The following PLCE1 variants were observed in gnomAD, a reference collection of about 807,000 sequenced individuals.
The protein encoded by PLCE1 is 1-phosphatidylinositol 4,5-bisphosphate phosphodiesterase epsilon-1.
A neutral mutation model predicts 242.8 loss-of-function variants in PLCE1; 119 were observed. That is an observed-to-expected ratio of 0.49 (90% CI 0.42 to 0.57). PLCE1 has a LOEUF of 0.57. Among genes scored for constraint, PLCE1 ranks in the 20% least tolerant of loss-of-function variants. The probability of loss-of-function intolerance (pLI) is 0.00; values close to 1 mark genes in which losing one functional copy is unlikely to be tolerated. For missense variants in PLCE1, 2,441 were observed against 2,788.8 expected (o/e 0.88, Z 2.81); for synonymous variants, 945 against 1,017.4 (o/e 0.93, Z 1.35).
intron 30 of PLCE1, among the ~76,000 whole-genome samples, chr10:94,323,195 C>G (rs1212936495): frequency 6.6e-6 from 1 of 152,188 alleles, no homozygotes; most frequent in Non-Finnish European, 1.5e-5. Flanking sequence ...CTCTCCCCTC[C>G]TCTAAATCAC....
At chr10:94,026,256 C>T (rs1170185725) in intron 1 of PLCE1, among the ~76,000 whole-genome samples, 1 of 152,120 alleles carries the variant, frequency 6.6e-6, no homozygotes, top group East Asian at 1.9e-4. Flanking sequence ...ATTCTTGCAT[C>T]TCCATAGATC....
At chr10:94,093,982 C>T (rs1226139507) in intron 2 of PLCE1, among the ~76,000 whole-genome samples, 2 of 123,342 alleles carry the variant, frequency 1.6e-5, no homozygotes, top group East Asian at 5.0e-4. Context: ...CGCTCTGTCG[C>T]CCAGGCTGGA....
intron 28 of PLCE1, among the ~76,000 whole-genome samples, chr10:94,314,499 C>G (rs902600299): frequency 6.6e-6 from 1 of 152,124 alleles, no homozygotes; most frequent in Non-Finnish European, 1.5e-5. Context: ...TAAGCTGAGG[C>G]AGGAGAATCA....
intron 3 of PLCE1, among the ~76,000 whole-genome samples, chr10:94,168,743 T>A (rs2047885786): frequency 6.6e-6 from 1 of 152,174 alleles, no homozygotes; most frequent in African/African-American, 2.4e-5. Flanking sequence ...ATTAGAGAAG[T>A]GACTGGAGTT....
Position 94,316,573 on chromosome 10 carries a change from A to C in PLCE1, c.6159A>C (p.Lys2053Asn), listed in dbSNP as rs1304944660. 1 of 1,608,428 alleles carries C rather than the reference A, an allele frequency of 6.2e-7. No homozygotes were observed. The highest frequency in any genetic ancestry group is 1.7e-5 in the Admixed American group (1 of 60,008). ...TTCTGACAAATGAACAAGACATCAA[A>C]CCTGTTACCACAGACTATTTTTTGA... is the stretch of plus-strand genomic sequence containing the variant. ...QQILTNEQDI[K>N]PVTTDYFLME... Residue 2053 changes from lysine (K) to asparagine (N), a missense_variant, in exon 29 of 33, where the codon AAA becomes AAC. Physicochemically the swap from Lys to Asn is moderately conservative, Grantham distance 94. This residue lies in a region of PLCE1 where 310 missense variants were observed against 317.2 expected (regional missense o/e 0.98). Transcript: ENST00000371380.
intron 4 of PLCE1, among the ~76,000 whole-genome samples, chr10:94,203,709 C>G (rs2049052419): frequency 6.6e-6 from 1 of 152,206 alleles, no homozygotes; most frequent in South Asian, 2.1e-4. Flanking sequence ...GAACATCTCT[C>G]TCTTCTTCCT....
intron 6 of PLCE1, 199 bp from the exon 7 acceptor site, chr10:94,235,716 G>T: frequency 1.0e-6 from 1 of 982,454 alleles, no homozygotes; most frequent in Non-Finnish European, 1.2e-6. Context: ...GATTAAAGTT[G>T]TCTCAGTGGA....
At chr10:94,199,330 A>C (rs776552080) in intron 4 of PLCE1, among the ~76,000 whole-genome samples, 9 of 152,242 alleles carry the variant, frequency 5.9e-5, no homozygotes, top group Non-Finnish European at 1.2e-4. Flanking sequence ...TGAACATTCC[A>C]GTTGCTCCAT....
In PLCE1 at chr10:94,324,557, A is replaced by C; in HGVS notation, c.6710A>C (p.Glu2237Ala). The change falls in exon 31 of 33, where the codon GAG (glutamate) becomes GCG (alanine). Residue 2237 changes from glutamate to alanine, a missense_variant. By Grantham distance (107) the Glu-to-Ala change is moderately radical (BLOSUM62 -1). Around this residue, in one of 5 missense-constraint regions of PLCE1, gnomAD observed 310 missense variants for 317.2 expected, o/e 0.98. Transcript: ENST00000371380. ...GAGKFILKLK[E>A]QVQASREDKK... ...GGAAAATTCATCCTTAAGCTAAAGG[A>C]GCAGGTGCAGGTAAAGTTTAAAGTT... The C allele has an allele frequency of 6.2e-7, 1 of 1,613,022 alleles. No individual in the cohort carries two copies. The highest frequency in any genetic ancestry group is 8.5e-7 in the Non-Finnish European group (1 of 1,178,958).
intron 2 of PLCE1, among the ~76,000 whole-genome samples, chr10:94,096,211 C>T (rs995691584): frequency 1.3e-5 from 2 of 152,136 alleles, no homozygotes; most frequent in Non-Finnish European, 2.9e-5. Flanking sequence ...GTACCTCTAC[C>T]TTCCACTTGC....
intron 4 of PLCE1, among the ~76,000 whole-genome samples, chr10:94,191,560 G>A (rs185263761): frequency 1.3e-5 from 2 of 152,126 alleles, no homozygotes; most frequent in Non-Finnish European, 2.9e-5. Flanking sequence ...AGGATCACTT[G>A]AGTGCGGGAG....
chr10:94,291,660 G>A (rs753724), intron 22 of PLCE1, among the ~76,000 whole-genome samples: 3 of 152,152 alleles, frequency 2.0e-5, no homozygotes, highest in Admixed American at 1.3e-4. Flanking sequence ...TTAGCACATC[G>A]TCGGGAGCAT....
At chr10:94,186,303 G>A (rs539286588) in intron 4 of PLCE1, among the ~76,000 whole-genome samples, 2 of 152,208 alleles carry the variant, frequency 1.3e-5, no homozygotes, top group African/African-American at 2.4e-5. Flanking sequence ...TATTAGCCTG[G>A]TTGATGATCA....
intron 4 of PLCE1, among the ~76,000 whole-genome samples, chr10:94,176,903 AG>A (rs2048144387): frequency 6.6e-6 from 1 of 152,126 alleles, no homozygotes; most frequent in Non-Finnish European, 1.5e-5. Context: ...TGAGCCCTCG[AG>A]TCTGGGGCTG....
rs769986351 is a variant in PLCE1, at chr10:94,227,519, A to G, written c.1955+68A>G. 2.8e-6 allele frequency: 4 copies of G among 1,422,720 alleles called. No homozygotes were observed. The African/African-American group carries it at 5.6e-5, about 20-fold the overall frequency. The allele number at this position is 1,422,720 out of a possible 1,614,324, so 88.1% of individuals were successfully genotyped here. A position where few individuals can be genotyped will look rare whatever the true frequency, so the allele number is the denominator to read the frequency against. ...CTCATCACCTGAATGGCACTGAATT[A>G]ATTGTCCAGGGACTCACCTTTACCC... On this transcript the variant is annotated intron_variant, in intron 5 of 32. Transcript: ENST00000371380.
chr10:94,208,728 T>G (rs557274984), intron 4 of PLCE1, among the ~76,000 whole-genome samples: 1 of 152,348 alleles, frequency 6.6e-6, no homozygotes, highest in Admixed American at 6.5e-5. Flanking sequence ...CACTAAACTG[T>G]GGAGTCTACA....
chr10:94,194,491 A>G (rs1168241385), intron 4 of PLCE1, among the ~76,000 whole-genome samples: 1 of 152,144 alleles, frequency 6.6e-6, no homozygotes, highest in Non-Finnish European at 1.5e-5. Context: ...ACATCTGTCT[A>G]CCCGGATGAC....
chr10:94,247,343 A>G (rs2050720958), intron 8 of PLCE1, among the ~76,000 whole-genome samples: 1 of 151,050 alleles, frequency 6.6e-6, no homozygotes, highest in South Asian at 2.2e-4. Flanking sequence ...TATATATTGT[A>G]TTATACTACA....
intron 17 of PLCE1, among the ~76,000 whole-genome samples, chr10:94,270,278 A>G (rs773937323): frequency 2.6e-5 from 4 of 152,242 alleles, no homozygotes; most frequent in Non-Finnish European, 1.5e-5. Flanking sequence ...GTTGTTCCTT[A>G]TAGTATGTGA....
Sources: allele counts gnomAD v4.1 joint callset (sites outside exome capture counted in the v4.1 genomes callset), GRCh38; gene constraint gnomAD v4.1.1; regional missense constraint gnomAD v4.1.1; transcripts MANE v1.5; gene names NCBI Gene and HGNC (gene_info 2026-07-23, HGNC 2026-07-21).